The following SNAP25 variants were observed in gnomAD, a reference collection of about 807,000 sequenced individuals.
The protein encoded by SNAP25 is synaptosomal-associated protein 25.
A neutral mutation model predicts 28.7 loss-of-function variants in SNAP25; 3 were observed. That is an observed-to-expected ratio of 0.10 (90% CI 0.05 to 0.27). The LOEUF is 0.27. SNAP25 is among the 10% of genes least tolerant of loss of function. SNAP25 has a pLI of 1.00. For missense variants in SNAP25, 117 were observed against 278.7 expected (o/e 0.42, Z 4.13); for synonymous variants, 61 against 88.1 (o/e 0.69, Z 1.72).
intron 1 of SNAP25, among the ~76,000 whole-genome samples, chr20:10,240,405 C>T (rs1183810011): frequency 3.3e-5 from 5 of 152,180 alleles, no homozygotes; most frequent in African/African-American, 7.2e-5. Flanking sequence ...ACGCAGGATC[C>T]ATTTACGTTT....
intron 1 of SNAP25, among the ~76,000 whole-genome samples, chr20:10,271,090 T>G (rs2063584294): frequency 6.6e-6 from 1 of 152,244 alleles, no homozygotes; most frequent in Non-Finnish European, 1.5e-5. Context: ...TAATTTCTTC[T>G]GCTTCCTAGT....
chr20:10,236,029 A>G (rs1397511405), intron 1 of SNAP25, among the ~76,000 whole-genome samples: 1 of 152,202 alleles, frequency 6.6e-6, no homozygotes, highest in Non-Finnish European at 1.5e-5. Flanking sequence ...TGCCAACTAT[A>G]TTTACAAAAA....
At chr20:10,229,987 C>T (rs959873642) in intron 1 of SNAP25, among the ~76,000 whole-genome samples, 3 of 152,178 alleles carry the variant, frequency 2.0e-5, no homozygotes, top group Admixed American at 6.5e-5. Flanking sequence ...CAAGATTAGA[C>T]ATTGGGACCT....
At chr20:10,253,626 C>T (rs1241048761) in intron 1 of SNAP25, among the ~76,000 whole-genome samples, 1 of 152,106 alleles carries the variant, frequency 6.6e-6, no homozygotes, top group Non-Finnish European at 1.5e-5. Context: ...AGCCAAGGGT[C>T]CCATTCAGCA....
At chr20:10,235,636 G>A (rs1050780018) in intron 1 of SNAP25, among the ~76,000 whole-genome samples, 1 of 152,180 alleles carries the variant, frequency 6.6e-6, no homozygotes, top group Non-Finnish European at 1.5e-5. Context: ...CCAAAACTCA[G>A]TGGTTTAAAA....
At chr20:10,305,080 A>G (rs2064323883) in intron 7 of SNAP25, among the ~76,000 whole-genome samples, 1 of 152,182 alleles carries the variant, frequency 6.6e-6, no homozygotes, top group African/African-American at 2.4e-5. Flanking sequence ...ATTTATATGT[A>G]TTTTATGATA....
chr20:10,302,279 C>T (rs543826913), intron 7 of SNAP25, among the ~76,000 whole-genome samples: 2 of 152,254 alleles, frequency 1.3e-5, no homozygotes, highest in East Asian at 1.9e-4. Context: ...TGGTAGATGA[C>T]AGGCACACGT....
At chr20:10,290,370 T>A (rs914392226) in intron 4 of SNAP25, among the ~76,000 whole-genome samples, 4 of 152,220 alleles carry the variant, frequency 2.6e-5, no homozygotes, top group Admixed American at 2.6e-4. Flanking sequence ...GTGTTCTGAA[T>A]CAACTATTTT....
intron 4 of SNAP25, among the ~76,000 whole-genome samples, chr20:10,288,719 C>T (rs2063933423): frequency 6.6e-6 from 1 of 151,932 alleles, no homozygotes; most frequent in Non-Finnish European, 1.5e-5. Context: ...AGTAGATAGA[C>T]ACTGATGAGA....
intron 1 of SNAP25, among the ~76,000 whole-genome samples, chr20:10,241,558 CTAAG>C (rs2063033737): frequency 1.3e-5 from 2 of 151,908 alleles, no homozygotes; most frequent in Non-Finnish European, 2.9e-5. Flanking sequence ...GGGATGGTGG[CTAAG>C]TAAGAGATTG....
At chr20:10,258,938 T>A (rs1194270068) in intron 1 of SNAP25, among the ~76,000 whole-genome samples, 3 of 152,198 alleles carry the variant, frequency 2.0e-5, no homozygotes, top group African/African-American at 7.2e-5. Flanking sequence ...AGCTAGTAGC[T>A]TTGCTATTTA....
chr20:10,284,346 G>A (rs75488871), intron 3 of SNAP25, among the ~76,000 whole-genome samples: 22,538 of 152,148 alleles, frequency 0.15, 1,887 homozygotes, highest in Admixed American at 0.2. Flanking sequence ...ATTTAGACTA[G>A]AAGATTTCCA....
At chr20:10,223,179 A>T (rs1035290231) in intron 1 of SNAP25, among the ~76,000 whole-genome samples, 2 of 152,210 alleles carry the variant, frequency 1.3e-5, no homozygotes, top group African/African-American at 4.8e-5. Context: ...AATGGGTAGT[A>T]TATCAGATTT....
rs552610044 is a variant in SNAP25, at chr20:10,276,730, G to A, written c.73-955G>A. Among the ~76,000 whole-genome samples, 27 of 152,164 alleles carry A rather than the reference G, an allele frequency of 1.8e-4. No homozygotes were observed. The South Asian group carries it at 2.5e-3, about 14-fold the overall frequency. On this transcript the variant is annotated intron_variant, in intron 2 of 7. Coordinates refer to ENST00000254976, the MANE Select transcript of SNAP25 (RefSeq NM_130811.4). ...TTCTGTGAGAATCAATTGGCTATGC[G>A]GAATTTACAATAAAGAGAGTATTGT...
At chr20:10,244,300 T>C (rs1026447531) in intron 1 of SNAP25, among the ~76,000 whole-genome samples, 2 of 152,220 alleles carry the variant, frequency 1.3e-5, no homozygotes, top group Non-Finnish European at 1.5e-5. Context: ...AGTTAGAACT[T>C]ACATTTGGGA....
chr20:10,273,371 T>TTAAGTTTCTTCAG (rs2063632022), intron 1 of SNAP25, among the ~76,000 whole-genome samples: 2 of 152,238 alleles, frequency 1.3e-5, no homozygotes, highest in Non-Finnish European at 2.9e-5. Context: ...TTCAGACATT[T>TTAAGTTTCTTCAG]ACTAGTTAGT....
At chr20:10,288,227 A>G (rs2063924271) in intron 4 of SNAP25, among the ~76,000 whole-genome samples, 1 of 152,200 alleles carries the variant, frequency 6.6e-6, no homozygotes, top group African/African-American at 2.4e-5. Flanking sequence ...TAGCAGTTTC[A>G]CCTTATTTAT....
At chr20:10,259,588 G>T (rs2063377245) in intron 1 of SNAP25, among the ~76,000 whole-genome samples, 1 of 151,758 alleles carries the variant, frequency 6.6e-6, no homozygotes, top group South Asian at 2.1e-4. Context: ...GCCCAGGCTG[G>T]CGTGCTATAA....
intron 1 of SNAP25, among the ~76,000 whole-genome samples, chr20:10,223,669 T>TA (rs141054718): frequency 0.053 from 7,776 of 147,388 alleles, 190 homozygotes; most frequent in Middle Eastern, 0.091. Flanking sequence ...GACAAAAAGT[T>TA]AAAAAAAAAA....
Sources: allele counts gnomAD v4.1 joint callset (sites outside exome capture counted in the v4.1 genomes callset), GRCh38; gene constraint gnomAD v4.1.1; transcripts MANE v1.5; gene names NCBI Gene and HGNC (gene_info 2026-07-23, HGNC 2026-07-21).